Variants in TMEM131L observed in about 807,000 individuals in gnomAD.
The protein encoded by TMEM131L is transmembrane 131 like.
Under a neutral mutation model 192.2 loss-of-function variants are expected in TMEM131L, and 54 were observed. The observed-to-expected ratio is 0.28, with a 90% CI of 0.23 to 0.35. The LOEUF is 0.35. Ranked by LOEUF, TMEM131L falls within the 10% of genes least tolerant of loss-of-function variation. The pLI is 1.00. For synonymous variants in TMEM131L, 701 were observed against 704.9 expected (o/e 0.99, Z 0.09); for missense variants, 1,888 against 1,972.9 (o/e 0.96, Z 0.82).
intron 21 of TMEM131L, among the ~76,000 whole-genome samples, chr4:153,599,778 C>T (rs1435341820): frequency 6.6e-6 from 1 of 152,192 alleles, no homozygotes; most frequent in African/African-American, 2.4e-5. Context: ...TTTAAAATGG[C>T]CGAGCATGGT....
chr4:153,583,173 C>CT lies in TMEM131L; in HGVS notation c.893-16dup. ...TGATTAAATACTCTGCTTTAATACT[C>CT]TGATTCTTTTGGACAGATGATTCAG... On this transcript the variant is annotated splice_polypyrimidine_tract_variant and intron_variant, in intron 9 of 34. Coordinates refer to ENST00000409959, the MANE Select transcript of TMEM131L (RefSeq NM_001131007.2). 1 of 1,309,788 alleles carries CT rather than the reference C, an allele frequency of 7.6e-7. No homozygotes were observed. Among genetic ancestry groups the CT allele is most frequent in the African/African-American group, 1.4e-5 (1 of 69,102 alleles). 81.1% of individuals were successfully genotyped at this position (1,309,788 alleles called of 1,614,324 possible). A position where few individuals can be genotyped will look rare whatever the true frequency, so the allele number is the denominator to read the frequency against.
intron 3 of TMEM131L, among the ~76,000 whole-genome samples, chr4:153,481,632 C>A (rs1159732362): frequency 6.6e-6 from 1 of 152,152 alleles, no homozygotes; most frequent in African/African-American, 2.4e-5. Context: ...GCCTCCTGGG[C>A]TTAAGGGATC....
intron 3 of TMEM131L, among the ~76,000 whole-genome samples, chr4:153,488,218 G>A (rs1251863832): frequency 3.3e-5 from 5 of 152,150 alleles, no homozygotes; most frequent in Non-Finnish European, 7.4e-5. Context: ...GAGAATGAGG[G>A]TGCGTGAGTG....
chr4:153,580,760 G>T (rs1041182987), intron 7 of TMEM131L, 66 bp from the exon 8 acceptor site: 18 of 864,368 alleles, frequency 2.1e-5, no homozygotes, highest in Non-Finnish European at 3.4e-5. Context: ...TTGATAAATT[G>T]TTTATTATTA....
At chr4:153,582,241 TTGTTTC>T (rs1355733136) in intron 9 of TMEM131L, among the ~76,000 whole-genome samples, 4 of 151,946 alleles carry the variant, frequency 2.6e-5, no homozygotes, top group African/African-American at 9.7e-5. Flanking sequence ...TTTTTTGGTT[TTGTTTC>T]TGTTTTTGTT....
chr4:153,490,953 CAAAAAAAAAA>C (rs3040164), intron 3 of TMEM131L, among the ~76,000 whole-genome samples: 6 of 82,108 alleles, frequency 7.3e-5, no homozygotes, highest in East Asian at 3.1e-4. Flanking sequence ...GACTCTGTCT[CAAAAAAAAAA>C]AAAAAAAAAA....
In TMEM131L at chr4:153,538,618, G is replaced by A. The variant is rs115091484; in HGVS notation, c.240-11455G>A. The stretch of plus-strand genomic sequence containing the variant: ...AAAGGCTGGCACTGCTGAAAAACCC[G>A]CCTCCCTCAGGGCAAGCAGGGGCTG... On this transcript the variant is annotated intron_variant, in intron 3 of 34. Coordinates refer to ENST00000409959, the MANE Select transcript of TMEM131L (RefSeq NM_001131007.2). Among the ~76,000 whole-genome samples the A allele has an allele frequency of 3.0e-3, 451 of 152,300 alleles. 1 individual carries two copies. Among genetic ancestry groups the A allele is most frequent in the African/African-American group, 0.01 (420 of 41,568 alleles).
intron 3 of TMEM131L, among the ~76,000 whole-genome samples, chr4:153,506,663 G>T (rs1734007084): frequency 6.6e-6 from 1 of 152,002 alleles, no homozygotes; most frequent in South Asian, 2.1e-4. Flanking sequence ...CCAACATGGT[G>T]AAACCTCATC....
In TMEM131L at chr4:153,509,197, C is replaced by A. The variant is rs564956239; in HGVS notation, c.239+35309C>A. On this transcript the variant is annotated intron_variant, in intron 3 of 34. Coordinates refer to ENST00000409959, the MANE Select transcript of TMEM131L (RefSeq NM_001131007.2). ...CTGTCTCTACTAAAAACAACAACAACAAAAAAAACAAAAATTAACTGGGCA... is the reference window on the plus strand; with the variant it reads ...CTGTCTCTACTAAAAACAACAACAAAAAAAAAAACAAAAATTAACTGGGCA... 6.1e-4 allele frequency among the ~76,000 whole-genome samples: 91 copies of A among 149,750 alleles called. No homozygotes were observed. In the East Asian group the frequency reaches 0.012, roughly 20 times the overall value.
At chr4:153,582,517 A>C (rs372677910) in intron 9 of TMEM131L, among the ~76,000 whole-genome samples, 136 of 132,766 alleles carry the variant, frequency 1.0e-3, no homozygotes, top group African/African-American at 3.9e-3. Flanking sequence ...GGGCTCAAGC[A>C]TTCCTCCCCG....
chr4:153,496,867 T>TG (rs1325162349), intron 3 of TMEM131L, among the ~76,000 whole-genome samples: 2 of 151,626 alleles, frequency 1.3e-5, no homozygotes, highest in African/African-American at 4.9e-5. Context: ...AGACTTTTTT[T>TG]TTTTTGTTTT....
chr4:153,505,699 T>TA (rs763306870), intron 3 of TMEM131L, among the ~76,000 whole-genome samples: 10 of 152,234 alleles, frequency 6.6e-5, no homozygotes, highest in Non-Finnish European at 1.3e-4. Context: ...GACAGTACTA[T>TA]AATTTTATTT....
chr4:153,611,165 T>C (rs1381931393), intron 25 of TMEM131L, among the ~76,000 whole-genome samples: 1 of 152,226 alleles, frequency 6.6e-6, no homozygotes, highest in Non-Finnish European at 1.5e-5. Flanking sequence ...GATTGGCTGC[T>C]CCACAGGGGC....
At chr4:153,596,181 A>G in intron 19 of TMEM131L, 77 bp from the exon 20 acceptor site, 1 of 1,527,332 alleles carries the variant, frequency 6.5e-7, no homozygotes, top group Non-Finnish European at 9.0e-7. Context: ...AATCGTGTTT[A>G]AACTCTAGGA....
At chr4:153,597,183 A>G (rs1731498474) in intron 20 of TMEM131L, among the ~76,000 whole-genome samples, 1 of 152,052 alleles carries the variant, frequency 6.6e-6, no homozygotes, top group Admixed American at 6.5e-5. Flanking sequence ...TTCAGAGTTT[A>G]TTCATTAAGC....
intron 3 of TMEM131L, among the ~76,000 whole-genome samples, chr4:153,545,532 C>A (rs957635309): frequency 6.6e-6 from 1 of 152,030 alleles, no homozygotes; most frequent in Non-Finnish European, 1.5e-5. Context: ...CATGATCCAC[C>A]CACCTCGGCC....
In TMEM131L at chr4:153,466,533, G is replaced by T; in HGVS notation, c.124+12G>T. 1.5e-6 allele frequency: 2 copies of T among 1,333,464 alleles called. No homozygotes were observed. The highest frequency in any genetic ancestry group is 1.5e-5 in the African/African-American group (1 of 65,800). The allele number at this position is 1,333,464 out of a possible 1,614,324, so 82.6% of individuals were successfully genotyped here. A position where few individuals can be genotyped will look rare whatever the true frequency, so the allele number is the denominator to read the frequency against. On this transcript the variant is annotated intron_variant, in intron 1 of 34. Coordinates refer to ENST00000409959, the MANE Select transcript of TMEM131L (RefSeq NM_001131007.2). ...GGCTCAGGGACAAGGTCAGCCTTGC[G>T]CCGCTGGGCTCGCTCTGCCTCTCCA... is the stretch of plus-strand genomic sequence containing the variant.
intron 3 of TMEM131L, among the ~76,000 whole-genome samples, chr4:153,494,626 C>T (rs115924133): frequency 0.014 from 2,190 of 152,230 alleles, 61 homozygotes; most frequent in African/African-American, 0.05. Context: ...TCCTGAGCAC[C>T]GTGAACCGAG....
chr4:153,496,862 T>C (rs1277727915), intron 3 of TMEM131L, among the ~76,000 whole-genome samples: 1 of 147,278 alleles, frequency 6.8e-6, no homozygotes, highest in Non-Finnish European at 1.5e-5. Flanking sequence ...TATGAAGACT[T>C]TTTTTTTTTT....
Sources: allele counts gnomAD v4.1 joint callset (sites outside exome capture counted in the v4.1 genomes callset), GRCh38; gene constraint gnomAD v4.1.1; transcripts MANE v1.5; gene names NCBI Gene and HGNC (gene_info 2026-07-23, HGNC 2026-07-21).